PDCD6IP: variants seen among roughly 807,000 people sequenced by gnomAD.
PDCD6IP encodes the protein programmed cell death 6-interacting protein.
PDCD6IP carries 43 observed loss-of-function variants against 103.7 expected under a neutral mutation model. The observed-to-expected ratio is 0.41, with a 90% CI of 0.32 to 0.53. The LOEUF is 0.53. Ranked by LOEUF, PDCD6IP falls within the 20% of genes least tolerant of loss-of-function variation. PDCD6IP has a pLI of 0.16. For synonymous variants in PDCD6IP, 354 were observed against 378.7 expected (o/e 0.93, Z 0.76); for missense variants, 871 against 1,036.7 (o/e 0.84, Z 2.20).
chr3:33,857,584 A>G (rs759920926), intron 15 of PDCD6IP, among the ~76,000 whole-genome samples: 3 of 152,224 alleles, frequency 2.0e-5, no homozygotes, highest in Non-Finnish European at 4.4e-5. Context: ...AGTATTTGCC[A>G]GTAATAGTCA....
chr3:33,811,945 T>A, intron 1 of PDCD6IP, 127 bp from the exon 2 acceptor site: 3 of 1,305,836 alleles, frequency 2.3e-6, no homozygotes, highest in Non-Finnish European at 3.0e-6. Context: ...TAAAAAACTT[T>A]TTTTCATATA....
chr3:33,831,232 A>AACACAC (rs71805290), intron 7 of PDCD6IP, among the ~76,000 whole-genome samples: 10 of 150,200 alleles, frequency 6.7e-5, no homozygotes, highest in South Asian at 6.3e-4. Flanking sequence ...AAGATACAGA[A>AACACAC]ACACACACAC....
Position 33,855,163 on chromosome 3 carries a change from T to C in PDCD6IP, c.2026-3T>C. The C allele has an allele frequency of 2.5e-6, 4 of 1,584,308 alleles. No individual in the cohort carries two copies. The highest frequency in any genetic ancestry group is 1.1e-5 in the South Asian group (1 of 90,252). ...CTTACTTGTATTTGTTCTTTGCTTA[T>C]AGTTTTACAATGAGTTGACTGAAAT... On this transcript the variant is annotated splice_polypyrimidine_tract_variant and splice_region_variant and intron_variant, in intron 14 of 17. Coordinates refer to ENST00000307296, the MANE Select transcript of PDCD6IP (RefSeq NM_013374.6).
intron 3 of PDCD6IP, among the ~76,000 whole-genome samples, chr3:33,818,519 T>TA (rs1345828783): frequency 7.2e-6 from 1 of 138,988 alleles, no homozygotes; most frequent in East Asian, 2.0e-4. Flanking sequence ...CTTGCTTTTT[T>TA]TTTTTTTTTT....
chr3:33,848,648 C>G (rs779140175), intron 12 of PDCD6IP, among the ~76,000 whole-genome samples: 7 of 152,130 alleles, frequency 4.6e-5, no homozygotes, highest in Non-Finnish European at 1.0e-4. Context: ...TGTGATCCAC[C>G]CACCTTGGCC....
chr3:33,839,931 G>A (rs2125564974), intron 9 of PDCD6IP, among the ~76,000 whole-genome samples: 1 of 152,190 alleles, frequency 6.6e-6, no homozygotes, highest in South Asian at 2.1e-4. Flanking sequence ...CTTTTTCTCA[G>A]TTTTTAAAAG....
chr3:33,809,829 T>C (rs1238034342), intron 1 of PDCD6IP, among the ~76,000 whole-genome samples: 1 of 152,238 alleles, frequency 6.6e-6, no homozygotes, highest in Non-Finnish European at 1.5e-5. Flanking sequence ...ACAGGCTAAT[T>C]ACTTTTTAGA....
At chr3:33,841,048 G>A (rs1427742703) in intron 9 of PDCD6IP, among the ~76,000 whole-genome samples, 1 of 146,204 alleles carries the variant, frequency 6.8e-6, no homozygotes, top group Non-Finnish European at 1.5e-5. Flanking sequence ...TTTCCCCCGA[G>A]ACGGAGTCTC....
intron 1 of PDCD6IP, among the ~76,000 whole-genome samples, chr3:33,804,790 T>C (rs1181694516): frequency 6.6e-6 from 1 of 152,258 alleles, no homozygotes; most frequent in Admixed American, 6.5e-5. Flanking sequence ...TACTCTCTGC[T>C]GCAGTAGTGC....
In PDCD6IP at chr3:33,836,096, A is replaced by T. The variant is rs1369262116; in HGVS notation, c.887A>T (p.Asn296Ile). The change falls in exon 8 of 18, where the codon AAT becomes ATT. Residue 296 changes from asparagine (N) to isoleucine (I), a missense_variant. Physicochemically the swap from Asn to Ile is moderately radical, Grantham distance 149. Coordinates refer to ENST00000307296, the MANE Select transcript of PDCD6IP (RefSeq NM_013374.6). ...GCATCTCGCTATGATGAATATGTTA[A>T]TGTGAAGGATTTTTCTGACAAAATC... is the stretch of plus-strand genomic sequence containing the variant. ...TVASRYDEYV[N>I]VKDFSDKINR... 3 of 1,612,866 alleles carry T rather than the reference A, an allele frequency of 1.9e-6. No homozygotes were observed. The highest frequency in any genetic ancestry group is 2.5e-6 in the Non-Finnish European group (3 of 1,179,010).
chr3:33,842,293 C>G (rs934296562), intron 10 of PDCD6IP, among the ~76,000 whole-genome samples: 2 of 152,092 alleles, frequency 1.3e-5, no homozygotes, highest in Admixed American at 1.3e-4. Flanking sequence ...TAAGTACACA[C>G]TAATGAAACT....
chr3:33,822,286 A>G lies in PDCD6IP; in HGVS notation c.462+204A>G, dbSNP rs80206466. On this transcript the variant is annotated intron_variant, in intron 4 of 17. Coordinates refer to ENST00000307296, the MANE Select transcript of PDCD6IP (RefSeq NM_013374.6). ...GGTCTGTTATTCCTCATTGTTTTAT[A>G]CCGAGCACCTAGCACAGTGCCTGGC... Among the ~76,000 whole-genome samples, 69 of 152,334 alleles carry G rather than the reference A, an allele frequency of 4.5e-4. 1 individual carries two copies. The East Asian group carries it at 0.013, about 28-fold the overall frequency.
intron 6 of PDCD6IP, 167 bp downstream of exon 6, chr3:33,826,747 T>TAA: frequency 7.3e-7 from 1 of 1,365,172 alleles, no homozygotes; most frequent in East Asian, 2.7e-5. Context: ...TTAAGATGCA[T>TAA]GAACAATTCT....
intron 4 of PDCD6IP, among the ~76,000 whole-genome samples, chr3:33,822,568 C>G (rs903500147): frequency 6.6e-6 from 1 of 152,162 alleles, no homozygotes; most frequent in Admixed American, 6.5e-5. Flanking sequence ...TATGGTCAGA[C>G]ACATAATGTT....
rs1698144326 is a variant in PDCD6IP, at chr3:33,869,663, C to T, written c.*3138C>T. 1 of 152,020 alleles carries T rather than the reference C, an allele frequency of 6.6e-6. No individual in the cohort carries two copies. The highest frequency in any genetic ancestry group is 6.6e-5 in the Admixed American group (1 of 15,264). 9.4% of individuals were successfully genotyped at this position (152,020 alleles called of 1,614,324 possible). ...AACATTGTAAAGAAACAAAAAGGTC[C>T]AGATGAATGTATGCTAGAAATAAAA... On this transcript the variant is annotated 3_prime_UTR_variant, in exon 18 of 18. Coordinates refer to ENST00000307296, the MANE Select transcript of PDCD6IP (RefSeq NM_013374.6).
chr3:33,862,680 T>TA (rs1697979490), intron 15 of PDCD6IP, among the ~76,000 whole-genome samples: 1 of 152,262 alleles, frequency 6.6e-6, no homozygotes, highest in Non-Finnish European at 1.5e-5. Flanking sequence ...AGGAAGTTTT[T>TA]ATCTAGAAAT....
At chr3:33,863,174 C>A (rs1307457219) in intron 15 of PDCD6IP, among the ~76,000 whole-genome samples, 4 of 152,050 alleles carry the variant, frequency 2.6e-5, no homozygotes, top group African/African-American at 9.7e-5. Context: ...ATATTCATCA[C>A]ATATTTGTGG....
At chr3:33,830,061 C>A (rs941932240) in intron 7 of PDCD6IP, among the ~76,000 whole-genome samples, 7 of 152,122 alleles carry the variant, frequency 4.6e-5, no homozygotes, top group African/African-American at 1.7e-4. Context: ...TATTATGCCC[C>A]CACGTCCCAA....
At chr3:33,826,623 A>C in intron 6 of PDCD6IP, 43 bp downstream of exon 6, 1 of 1,606,236 alleles carries the variant, frequency 6.2e-7, no homozygotes, top group South Asian at 1.1e-5. Context: ...TTTGCATGTG[A>C]AATATTTAGA....
Sources: allele counts gnomAD v4.1 joint callset (sites outside exome capture counted in the v4.1 genomes callset), GRCh38; gene constraint gnomAD v4.1.1; transcripts MANE v1.5; gene names NCBI Gene and HGNC (gene_info 2026-07-23, HGNC 2026-07-21).